IL1R2: variants seen among roughly 807,000 people sequenced by gnomAD.
The protein encoded by IL1R2 is interleukin 1 receptor type 2.
IL1R2 carries 46 observed loss-of-function variants against 39.5 expected under a neutral mutation model. The ratio of observed to expected loss-of-function variants is 1.16; its 90% CI spans 0.92 to 1.49. The LOEUF (loss-of-function observed/expected upper bound fraction) is 1.49. IL1R2 is among the 40% of genes most tolerant of loss of function. The pLI, the probability that IL1R2 is intolerant of heterozygous loss-of-function variation, is 0.00. For missense variants in IL1R2, 537 were observed against 502.0 expected (o/e 1.07, Z -0.67); for synonymous variants, 207 against 189.6 (o/e 1.09, Z -0.75).
chr2:102,020,605 G>T (rs1166192892), intron 5 of IL1R2, among the ~76,000 whole-genome samples: 1 of 152,182 alleles, frequency 6.6e-6, no homozygotes, highest in African/African-American at 2.4e-5. Context: ...TTTTCTCACA[G>T]AGCATCCAGA....
At chr2:102,013,524 C>CAAAAAAAAAAAAAAAAAAA (rs771727938) in intron 3 of IL1R2, among the ~76,000 whole-genome samples, 3 of 5,678 alleles carry the variant, frequency 5.3e-4, no homozygotes, top group African/African-American at 1.3e-3. Context: ...TCTATCACTG[C>CAAAAAAAAAAAAAAAAAAA]AAAAAAAAAA....
intron 8 of IL1R2, among the ~76,000 whole-genome samples, chr2:102,027,256 T>C (rs1420934524): frequency 1.3e-5 from 2 of 152,162 alleles, no homozygotes; most frequent in African/African-American, 4.8e-5. Flanking sequence ...GCGTTTCAGA[T>C]CATTTCCAGA....
At chr2:102,024,227 G>A (rs1217843374) in intron 6 of IL1R2, among the ~76,000 whole-genome samples, 1 of 152,104 alleles carries the variant, frequency 6.6e-6, no homozygotes, top group Admixed American at 6.6e-5. Flanking sequence ...GAAGTGAGGG[G>A]CAGAGGAAGT....
At chr2:102,023,679 T>A (rs1344740716) in intron 6 of IL1R2, 3 of 151,674 alleles carry the variant, frequency 2.0e-5, no homozygotes, top group South Asian at 2.1e-4. Flanking sequence ...AAAAAAAAAA[T>A]AATTTCCTAT....
chr2:102,021,648 A>C (rs886717234), intron 5 of IL1R2, among the ~76,000 whole-genome samples: 1 of 152,194 alleles, frequency 6.6e-6, no homozygotes, highest in Non-Finnish European at 1.5e-5. Context: ...AATCCCTTGG[A>C]GATCCACTTC....
intron 8 of IL1R2, 152 bp downstream of exon 8, chr2:102,026,405 TAA>T (rs1677752061): frequency 1.5e-6 from 1 of 651,804 alleles, no homozygotes; most frequent in Non-Finnish European, 2.5e-6. Flanking sequence ...CTCCCATTTT[TAA>T]AGAGTTTTGG....
intron 1 of IL1R2, among the ~76,000 whole-genome samples, chr2:102,000,527 A>G (rs956089572): frequency 8.5e-5 from 13 of 152,242 alleles, no homozygotes; most frequent in African/African-American, 3.1e-4. Flanking sequence ...TTTGGGATCC[A>G]AAATGGCAGA....
chr2:102,019,433 A>G lies in IL1R2; in HGVS notation c.514-205A>G, dbSNP rs543043797. The stretch of plus-strand genomic sequence containing the variant: ...CTAACTATTGTAGTTAACCAAATCT[A>G]GCAATTTTATTTGTTTATATGTTAA... On this transcript the variant is annotated intron_variant, in intron 4 of 8. Transcript: ENST00000332549. Among the ~76,000 whole-genome samples the G allele has an allele frequency of 1.2e-4, 18 of 152,254 alleles. No homozygotes were observed. The South Asian group carries it at 3.7e-3, about 32-fold the overall frequency.
intron 8 of IL1R2, among the ~76,000 whole-genome samples, chr2:102,026,579 T>A (rs943601972): frequency 3.9e-5 from 6 of 152,210 alleles, no homozygotes; most frequent in African/African-American, 1.2e-4. Context: ...TCGCATGGCC[T>A]CTAGAAGAGG....
At chr2:102,022,297 G>T (rs778774050) in intron 6 of IL1R2, 48 bp downstream of exon 6, 1 of 1,522,322 alleles carries the variant, frequency 6.6e-7, no homozygotes, top group African/African-American at 1.4e-5. Context: ...GGGGGTGCCT[G>T]GTATCCCAAT....
rs370345051 is a variant in IL1R2, at chr2:102,024,627, G to A, written c.846G>A (p.Glu282=). The A allele has an allele frequency of 4.3e-6, 7 of 1,614,024 alleles. No homozygotes were observed. Among genetic ancestry groups the A allele is most frequent in the Middle Eastern group, 1.6e-4 (1 of 6,084 alleles). The part of the protein sequence containing the change: ...LWWTANDTHI[E]SAYPGGRVTE... The stretch of plus-strand genomic sequence containing the variant: ...GGACGGCCAATGACACCCACATAGA[G>A]AGCGCCTACCCGGGAGGCCGCGTGA... Residue 282 remains glutamate, a synonymous_variant, in exon 7 of 9, where the codon GAG becomes GAA. Coordinates refer to ENST00000332549, the MANE Select transcript of IL1R2 (RefSeq NM_004633.4).
chr2:101,996,729 T>C (rs1675609129), intron 1 of IL1R2, among the ~76,000 whole-genome samples: 1 of 151,446 alleles, frequency 6.6e-6, no homozygotes, highest in African/African-American at 2.4e-5. Flanking sequence ...GTAGTGAGTA[T>C]ATATATATGT....
chr2:101,998,133 C>T (rs1261989197), intron 1 of IL1R2, among the ~76,000 whole-genome samples: 2 of 152,156 alleles, frequency 1.3e-5, no homozygotes, highest in African/African-American at 4.8e-5. Flanking sequence ...ACTGTCCCAT[C>T]CTAGAGAAAG....
intron 2 of IL1R2, 135 bp from the exon 3 acceptor site, chr2:102,009,427 G>A: frequency 1.0e-6 from 1 of 980,900 alleles, no homozygotes; most frequent in Non-Finnish European, 1.5e-6. Flanking sequence ...CTTTTTGTTA[G>A]GGACAAATGA....
chr2:102,021,017 G>T (rs1437210692), intron 5 of IL1R2, among the ~76,000 whole-genome samples: 1 of 152,166 alleles, frequency 6.6e-6, no homozygotes, highest in African/African-American at 2.4e-5. Flanking sequence ...AGTCTAAGAA[G>T]CACTGAGATC....
chr2:102,002,741 T>C (rs565815418), intron 1 of IL1R2, among the ~76,000 whole-genome samples: 3 of 150,982 alleles, frequency 2.0e-5, no homozygotes, highest in African/African-American at 7.4e-5. Flanking sequence ...TATGTCTATG[T>C]CTATGTCTAT....
At chr2:102,008,409 T>C in intron 1 of IL1R2, 106 bp from the exon 2 acceptor site, 1 of 630,704 alleles carries the variant, frequency 1.6e-6, no homozygotes, top group East Asian at 2.6e-5. Context: ...GGCCAAAAGG[T>C]TCCCATTATC....
intron 2 of IL1R2, 23 bp from the exon 3 acceptor site, chr2:102,009,539 A>G: frequency 6.2e-7 from 1 of 1,610,334 alleles, no homozygotes; most frequent in Non-Finnish European, 8.5e-7. Flanking sequence ...CCAAAGCCTG[A>G]CCATGGGCTC....
At chr2:102,022,318 TG>T in intron 6 of IL1R2, 69 bp downstream of exon 6, 1 of 1,333,762 alleles carries the variant, frequency 7.5e-7, no homozygotes, top group Non-Finnish European at 1.1e-6. Context: ...GCAGGGGGCT[TG>T]GGACCCTTGC....
Sources: gnomAD v4.1 joint callset for allele counts (sites outside exome capture counted in the v4.1 genomes callset) on GRCh38, gnomAD v4.1.1 for gene constraint, MANE v1.5 for transcripts, NCBI Gene and HGNC (gene_info 2026-07-23, HGNC 2026-07-21) for gene names.